The following GSG1L variants were observed in gnomAD, a reference collection of about 807,000 sequenced individuals.
The protein encoded by GSG1L is GSG1 like, also known as germ cell-specific gene 1-like protein.
Under a neutral mutation model 42.1 loss-of-function variants are expected in GSG1L, and 24 were observed. That is an observed-to-expected ratio of 0.57 (90% CI 0.41 to 0.80). The LOEUF (loss-of-function observed/expected upper bound fraction) is 0.80, where lower values mean the gene tolerates loss of function less well. Ranked by LOEUF, GSG1L falls within the 30% of genes least tolerant of loss-of-function variation. The pLI is 0.00. For synonymous variants in GSG1L, 215 were observed against 203.5 expected (o/e 1.06, Z -0.48); for missense variants, 445 against 472.2 (o/e 0.94, Z 0.53).
At chr16:27,914,917 A>G (rs7200594) in intron 2 of GSG1L, among the ~76,000 whole-genome samples, 136,740 of 152,054 alleles carry the variant, frequency 0.9, 61,838 homozygotes, top group Non-Finnish European at 0.95. Flanking sequence ...GGAAGGGACC[A>G]TAGACAAGTG....
chr16:27,946,268 G>T (rs550382205), intron 2 of GSG1L, among the ~76,000 whole-genome samples: 2 of 152,290 alleles, frequency 1.3e-5, no homozygotes, highest in Admixed American at 1.3e-4. Context: ...AATGAGGTCA[G>T]TCGCGGTGGC....
intron 2 of GSG1L, among the ~76,000 whole-genome samples, chr16:27,899,237 T>C (rs2084227756): frequency 1.3e-5 from 2 of 152,188 alleles, no homozygotes; most frequent in South Asian, 4.1e-4. Flanking sequence ...CAGGAAAGCA[T>C]TTACCCGCTG....
intron 1 of GSG1L, among the ~76,000 whole-genome samples, chr16:28,044,623 C>CTTTTT (rs71140942): frequency 1.5e-5 from 2 of 130,606 alleles, no homozygotes; most frequent in Non-Finnish European, 3.2e-5. Context: ...GCAACGAATG[C>CTTTTT]TTTTTTTTTT....
chr16:27,912,715 G>A (rs78585420), intron 2 of GSG1L, among the ~76,000 whole-genome samples: 1,569 of 152,270 alleles, frequency 0.01, 28 homozygotes, highest in African/African-American at 0.035. Context: ...TGTAGTTGAA[G>A]ATGTTTGTGT....
At chr16:27,792,664 C>T (rs941085515) in intron 6 of GSG1L, among the ~76,000 whole-genome samples, 5 of 152,298 alleles carry the variant, frequency 3.3e-5, no homozygotes, top group African/African-American at 9.6e-5. Flanking sequence ...CCACCCTCAG[C>T]GCACACTCTG....
rs142189124 is a variant in GSG1L, at chr16:27,820,805, C to A, written c.830+7984G>T. On this transcript the variant is annotated intron_variant, in intron 5 of 6. Transcript: ENST00000447459. ...ATGCATCCCAGTGATAGACAGATAG[C>A]TGCTACCACCAGCCTCCAACCCCAG... Among the ~76,000 whole-genome samples the A allele has an allele frequency of 3.9e-5, 6 of 152,316 alleles. 1 individual carries two copies. In the East Asian group the frequency reaches 1.2e-3, roughly 29 times the overall value.
intron 1 of GSG1L, among the ~76,000 whole-genome samples, chr16:27,972,105 G>T (rs183186933): frequency 2.0e-5 from 3 of 152,316 alleles, no homozygotes; most frequent in South Asian, 2.1e-4. Flanking sequence ...ACAGCTGGGG[G>T]TGTCCTGAAA....
At chr16:27,947,730 C>G (rs1029238059) in intron 2 of GSG1L, among the ~76,000 whole-genome samples, 2 of 152,056 alleles carry the variant, frequency 1.3e-5, no homozygotes, top group African/African-American at 4.8e-5. Context: ...AGAGACAGGA[C>G]CCTATTTCTT....
chr16:27,877,498 T>G (rs1291152319), intron 3 of GSG1L, among the ~76,000 whole-genome samples: 1 of 152,154 alleles, frequency 6.6e-6, no homozygotes, highest in Non-Finnish European at 1.5e-5. Flanking sequence ...ATTTCATGGG[T>G]CCCTAGCAGT....
intron 1 of GSG1L, among the ~76,000 whole-genome samples, chr16:28,014,832 A>G (rs914862533): frequency 6.6e-6 from 1 of 151,972 alleles, no homozygotes; most frequent in African/African-American, 2.4e-5. Flanking sequence ...ATCTTTTGGC[A>G]ATGAATACCT....
At chr16:27,889,724 C>G (rs1034706655) in intron 2 of GSG1L, among the ~76,000 whole-genome samples, 12 of 152,286 alleles carry the variant, frequency 7.9e-5, no homozygotes, top group Admixed American at 1.3e-4. Flanking sequence ...TGACAGCACC[C>G]CTTGCTTTCT....
intron 4 of GSG1L, among the ~76,000 whole-genome samples, chr16:27,834,233 G>A (rs1260840939): frequency 5.9e-5 from 9 of 152,026 alleles, no homozygotes; most frequent in Non-Finnish European, 1.5e-5. Flanking sequence ...TGTTAATATG[G>A]TGAATGACAC....
intron 1 of GSG1L, among the ~76,000 whole-genome samples, chr16:27,991,290 T>C (rs2085453162): frequency 6.6e-6 from 1 of 151,952 alleles, no homozygotes; most frequent in Non-Finnish European, 1.5e-5. Context: ...CTTCGTGATG[T>C]TTTTAGTTTG....
At chr16:27,858,003 C>T (rs1001004017) in intron 3 of GSG1L, among the ~76,000 whole-genome samples, 1 of 152,202 alleles carries the variant, frequency 6.6e-6, no homozygotes, top group Admixed American at 6.5e-5. Context: ...GAACTGAGCC[C>T]TTTGCAAGCC....
intron 2 of GSG1L, among the ~76,000 whole-genome samples, chr16:27,928,323 G>A (rs1009714143): frequency 2.6e-5 from 4 of 152,082 alleles, no homozygotes; most frequent in African/African-American, 9.7e-5. Context: ...GACCTGCCTT[G>A]CAGAACTTTC....
chr16:27,975,682 CACA>C (rs1329144831), intron 1 of GSG1L, among the ~76,000 whole-genome samples: 2 of 152,170 alleles, frequency 1.3e-5, no homozygotes, highest in Non-Finnish European at 2.9e-5. Flanking sequence ...GCATCAAAAT[CACA>C]ACATCAAGTA....
chr16:28,063,367 G>T lies in GSG1L; in HGVS notation c.58C>A (p.Leu20Met). 1 of 1,401,826 alleles carries T rather than the reference G, an allele frequency of 7.1e-7. No individual in the cohort carries two copies. Among genetic ancestry groups the T allele is most frequent in the East Asian group, 3.4e-5 (1 of 29,250 alleles). The allele number at this position is 1,401,826 out of a possible 1,614,324, so 86.8% of individuals were successfully genotyped here. A position where few individuals can be genotyped will look rare whatever the true frequency, so the allele number is the denominator to read the frequency against. ...AGGAAAGCGGTGGTGGCGAACAGCA[G>T]CGCCAGCAGGTTCAGGGCCACGGCC... ...LLAVALNLLALLFATTAFLTT... is the reference protein window; with the variant it reads ...LLAVALNLLAMLFATTAFLTT... The change falls in exon 1 of 7, where the codon CTG (leucine) becomes ATG (methionine). Residue 20 changes from leucine (L) to methionine (M), a missense_variant. This residue lies in a region of GSG1L where 156 missense variants were observed against 128.3 expected (regional missense o/e 1.22). Coordinates refer to ENST00000447459, the MANE Select transcript of GSG1L (RefSeq NM_001109763.2). The surrounding 1 kb of genome is among the most constrained non-coding windows in gnomAD (Gnocchi z 5.8).
At chr16:27,800,341 T>C (rs1597458522) in intron 6 of GSG1L, among the ~76,000 whole-genome samples, 1 of 152,120 alleles carries the variant, frequency 6.6e-6, no homozygotes, top group South Asian at 2.1e-4. Flanking sequence ...CAGAGACCCA[T>C]CTAGATGGAG....
intron 1 of GSG1L, among the ~76,000 whole-genome samples, chr16:27,988,753 G>A (rs1017587419): frequency 3.7e-4 from 53 of 142,956 alleles, no homozygotes; most frequent in South Asian, 4.5e-4. Context: ...CTGCAATTAA[G>A]AAAAAAAAAA....
Sources: gnomAD v4.1 joint callset for allele counts (sites outside exome capture counted in the v4.1 genomes callset) on GRCh38, gnomAD v4.1.1 for gene constraint, gnomAD v4.1.1 regional missense constraint, Gnocchi (gnomAD v3.1) non-coding constraint, MANE v1.5 for transcripts, NCBI Gene and HGNC (gene_info 2026-07-23, HGNC 2026-07-21) for gene names.